ATAD2B: variants seen among roughly 807,000 people sequenced by gnomAD.
ATAD2B encodes ATPase family AAA domain containing 2B.
A neutral mutation model predicts 167.6 loss-of-function variants in ATAD2B; 40 were observed. The observed-to-expected ratio is 0.24, with a 90% CI of 0.19 to 0.31. The LOEUF (loss-of-function observed/expected upper bound fraction) is 0.31. Ranked by LOEUF, ATAD2B falls within the 10% of genes least tolerant of loss-of-function variation. The pLI, the probability that ATAD2B is intolerant of heterozygous loss-of-function variation, is 1.00. For missense variants in ATAD2B, 1,242 were observed against 1,757.2 expected, an observed-to-expected ratio of 0.71 and a Z score of 5.24; for synonymous variants, 579 against 596.5, an observed-to-expected ratio of 0.97 and a Z score of 0.43.
At chr2:23,852,188 G>A (rs1692674596) in intron 13 of ATAD2B, among the ~76,000 whole-genome samples, 1 of 152,116 alleles carries the variant, frequency 6.6e-6, no homozygotes, top group African/African-American at 2.4e-5. Context: ...AAAACTCCAG[G>A]CCCAGGTATT....
intron 19 of ATAD2B, among the ~76,000 whole-genome samples, chr2:23,797,098 C>T (rs17045922): frequency 6.6e-6 from 1 of 152,178 alleles, no homozygotes; most frequent in Admixed American, 6.5e-5. Context: ...AGCAAGATAA[C>T]TAATGAAAGC....
chr2:23,756,660 A>T (rs1675988019), intron 25 of ATAD2B, among the ~76,000 whole-genome samples: 1 of 152,188 alleles, frequency 6.6e-6, no homozygotes, highest in Non-Finnish European at 1.5e-5. Context: ...AGAAGTCAGA[A>T]GCTGGGAGAG....
intron 8 of ATAD2B, among the ~76,000 whole-genome samples, 188 bp downstream of exon 8, chr2:23,875,641 G>C (rs1021315630): frequency 8.5e-5 from 13 of 152,218 alleles, no homozygotes; most frequent in African/African-American, 3.1e-4. Flanking sequence ...ACTCTGCTAA[G>C]AGACCAAAGA....
chr2:23,892,410 C>T (rs544121241), intron 2 of ATAD2B, among the ~76,000 whole-genome samples: 164 of 151,986 alleles, frequency 1.1e-3, no homozygotes, highest in African/African-American at 3.9e-3. Flanking sequence ...GTGATCCGCC[C>T]GCCTCGGCCT....
At chr2:23,792,962 C>CA (rs36015161) in intron 19 of ATAD2B, among the ~76,000 whole-genome samples, 2,027 of 42,444 alleles carry the variant, frequency 0.048, 541 homozygotes, top group African/African-American at 0.11. Context: ...GACTCTGTCT[C>CA]AAAAAAAAAA....
chr2:23,761,841 T>A (rs1376609692), intron 24 of ATAD2B, among the ~76,000 whole-genome samples: 2 of 151,958 alleles, frequency 1.3e-5, no homozygotes, highest in Admixed American at 1.3e-4. Flanking sequence ...CATGCGGGAG[T>A]GTCCATTTCC....
the ATAD2B span, among the ~76,000 whole-genome samples, chr2:23,709,684 G>A: frequency 2.0e-5 from 3 of 152,080 alleles, no homozygotes; most frequent in African/African-American, 7.2e-5. Context: ...AGGCGAGAGA[G>A]GGAGATGTTG....
rs573708784 is a variant in ATAD2B, at chr2:23,830,585, G to C, written c.1729-1646C>G. ...CAAGATAAATCTTGCTCAAAAAGTTGACAAAATCTGGAATCAATAGCTACA... is the reference window on the plus strand; with the variant it reads ...CAAGATAAATCTTGCTCAAAAAGTTCACAAAATCTGGAATCAATAGCTACA... On this transcript the variant is annotated intron_variant, in intron 14 of 27. Coordinates refer to ENST00000238789, the MANE Select transcript of ATAD2B (RefSeq NM_017552.4). Among the ~76,000 whole-genome samples the C allele has an allele frequency of 2.0e-5, 3 of 152,156 alleles. No individual in the cohort carries two copies. The South Asian group carries it at 6.2e-4, about 32-fold the overall frequency.
intron 8 of ATAD2B, among the ~76,000 whole-genome samples, chr2:23,871,966 C>T (rs1696050270): frequency 6.6e-6 from 1 of 152,190 alleles, no homozygotes; most frequent in Non-Finnish European, 1.5e-5. Context: ...CAACCACTGT[C>T]TCCTGGGTTC....
chr2:23,883,246 C>T (rs1027405249), intron 6 of ATAD2B, among the ~76,000 whole-genome samples: 1 of 144,174 alleles, frequency 6.9e-6, no homozygotes, highest in Non-Finnish European at 1.5e-5. Context: ...TGACAATGTG[C>T]TCCAGCCTGG....
In ATAD2B at chr2:23,845,403, G is replaced by A. The variant is rs1314411716; in HGVS notation, c.1569-11325C>T. Among the ~76,000 whole-genome samples, 15 of 152,000 alleles carry A rather than the reference G, an allele frequency of 9.9e-5. No individual in the cohort carries two copies. In the South Asian group the frequency reaches 1.7e-3, roughly 17 times the overall value. On this transcript the variant is annotated intron_variant, in intron 13 of 27. Transcript: ENST00000238789. ...TACTGACCCATATTATATCATGGAT[G>A]TTCCTCAAAACCATTATACTTAGCA...
chr2:23,798,662 G>A (rs1234000147), intron 18 of ATAD2B, among the ~76,000 whole-genome samples: 1 of 151,996 alleles, frequency 6.6e-6, no homozygotes, highest in Non-Finnish European at 1.5e-5. Flanking sequence ...AAAATATGCT[G>A]CAAATAAAGA....
rs369260225 is a variant in ATAD2B at position 23,908,329 on chromosome 2, T to C, written c.217-12359A>G. Reference sequence around the variant, plus strand: ...ACCCCATCAACAAGTGGGTGAAGGATATGAACAGACACTTCTCAAAAGAAG... The same window carrying C: ...ACCCCATCAACAAGTGGGTGAAGGACATGAACAGACACTTCTCAAAAGAAG... On this transcript the variant is annotated intron_variant, in intron 1 of 27. Transcript: ENST00000238789. Among the ~76,000 whole-genome samples, 10 of 152,174 alleles carry C rather than the reference T, an allele frequency of 6.6e-5. No individual in the cohort carries two copies. In the East Asian group the frequency reaches 1.5e-3, roughly 23 times the overall value.
the ATAD2B span, among the ~76,000 whole-genome samples, chr2:23,702,464 G>A: frequency 8.5e-5 from 13 of 152,082 alleles, no homozygotes; most frequent in East Asian, 3.8e-4. Flanking sequence ...ATCCTAAGTC[G>A]GGGACTGTCT....
chr2:23,696,288 C>T, the ATAD2B span: 6 of 1,539,614 alleles, frequency 3.9e-6, no homozygotes, highest in Non-Finnish European at 5.3e-6. This position sits in a 1 kb window ranked among gnomAD's most constrained non-coding sequence, Gnocchi z 5.5. Flanking sequence ...ACCCCAGGCC[C>T]CTCCTCACCC....
chr2:23,851,420 T>G (rs1692543517), intron 13 of ATAD2B, among the ~76,000 whole-genome samples: 1 of 152,194 alleles, frequency 6.6e-6, no homozygotes, highest in Admixed American at 6.5e-5. Context: ...GGACTACAAG[T>G]GTGAGCCACT....
At chr2:23,781,651 G>T (rs72780187) in intron 22 of ATAD2B, among the ~76,000 whole-genome samples, 3 of 151,386 alleles carry the variant, frequency 2.0e-5, no homozygotes, top group African/African-American at 7.3e-5. Context: ...GGCAACAGAC[G>T]GAGATTCCAT....
chr2:23,741,503 T>C, the ATAD2B span, among the ~76,000 whole-genome samples: 1 of 152,060 alleles, frequency 6.6e-6, no homozygotes, highest in Non-Finnish European at 1.5e-5. Context: ...TAGCCATATG[T>C]AGAAAGCTGA....
Position 23,786,651 on chromosome 2 carries a change from G to A in ATAD2B, c.2777-428C>T, listed in dbSNP as rs563420534. Among the ~76,000 whole-genome samples, 45 of 152,148 alleles carry A rather than the reference G, an allele frequency of 3.0e-4. 1 individual carries two copies. Among genetic ancestry groups the A allele is most frequent in the Admixed American group, 7.2e-4 (11 of 15,268 alleles). ...GTTGACCAAAACGTCATTATGCAGC[G>A]CATGACTATATGTGTGAAACATGCA... On this transcript the variant is annotated intron_variant, in intron 20 of 27. Transcript: ENST00000238789.
Sources: gnomAD v4.1 joint callset for allele counts (sites outside exome capture counted in the v4.1 genomes callset) on GRCh38, gnomAD v4.1.1 for gene constraint, Gnocchi (gnomAD v3.1) non-coding constraint, MANE v1.5 for transcripts, NCBI Gene and HGNC (gene_info 2026-07-23, HGNC 2026-07-21) for gene names.